ATP13A4: variants seen among roughly 807,000 people sequenced by gnomAD.
ATP13A4 encodes probable cation-transporting ATPase 13A4.
A neutral mutation model predicts 142.5 loss-of-function variants in ATP13A4; 114 were observed. The ratio of observed to expected loss-of-function variants is 0.80; its 90% confidence interval spans 0.69 to 0.93. The LOEUF (loss-of-function observed/expected upper bound fraction) is 0.93, where lower values mean the gene tolerates loss of function less well. Among genes scored for constraint, ATP13A4 ranks in the 40% least tolerant of loss-of-function variants. The pLI is 0.00. For missense variants in ATP13A4, 1,392 were observed against 1,454.0 expected, an observed-to-expected ratio of 0.96 and a Z score of 0.69; for synonymous variants, 488 against 514.8, an observed-to-expected ratio of 0.95 and a Z score of 0.70.
chr3:193,563,692 G>A (rs1215783829), intron 2 of ATP13A4, among the ~76,000 whole-genome samples: 3 of 152,300 alleles, frequency 2.0e-5, no homozygotes, highest in South Asian at 4.1e-4. Context: ...GTAAACCACC[G>A]AATATATACC....
rs1718187825 is a variant in ATP13A4, at chr3:193,465,079, GCAATTGTGATGACGT to G, written c.1307_1321del (p.Asp436_Ile440del). 1 of 1,613,960 alleles carries G rather than the reference GCAATTGTGATGACGT, an allele frequency of 6.2e-7. No individual in the cohort carries two copies. The highest frequency in any genetic ancestry group is 1.3e-5 in the African/African-American group (1 of 74,910). On this transcript the variant is annotated inframe_deletion, in exon 12 of 30. Coordinates refer to ENST00000342695, the MANE Select transcript of ATP13A4 (RefSeq NM_032279.4). ...AGCAGCAGGTAGAGCCGGAGGAACC[GCAATTGTGATGACGT>G]CAAGGGCTTTCCTCACCACCTCCTC...
chr3:193,504,123 A>G (rs1376662378), intron 2 of ATP13A4, among the ~76,000 whole-genome samples: 2 of 152,086 alleles, frequency 1.3e-5, no homozygotes, highest in Non-Finnish European at 2.9e-5. Flanking sequence ...TAATTAATCA[A>G]TTTTAAAAGC....
intron 1 of ATP13A4, 115 bp downstream of exon 1, chr3:193,554,625 A>C: frequency 7.3e-7 from 1 of 1,367,976 alleles, no homozygotes; most frequent in Non-Finnish European, 1.0e-6. Flanking sequence ...GTGAAATTTT[A>C]GAAAAGTCTG....
Position 193,470,882 on chromosome 3 carries a change from A to G in ATP13A4, c.920T>C (p.Val307Ala). ...ACCTGTCAGCATGCCTTCATCCACC[A>G]CACAGCTGCCTTCAATCAGAACGGC... ...CDAVLIEGSC[V>A]VDEGMLTGES... The change falls in exon 9 of 30, where the codon GTG becomes GCG. Residue 307 changes from valine to alanine, a missense_variant. Physicochemically the swap from Val to Ala is moderately conservative, Grantham distance 64. Transcript: ENST00000342695. 6.2e-7 allele frequency: 1 copy of G among 1,614,128 alleles called. No individual in the cohort carries two copies. The highest frequency in any genetic ancestry group is 8.5e-7 in the Non-Finnish European group (1 of 1,180,030).
intron 2 of ATP13A4, among the ~76,000 whole-genome samples, chr3:193,566,612 A>G (rs1038176495): frequency 6.6e-6 from 1 of 152,174 alleles, no homozygotes; most frequent in Non-Finnish European, 1.5e-5. Flanking sequence ...TTGGAGCATG[A>G]GCCCTGGTCA....
intron 2 of ATP13A4, among the ~76,000 whole-genome samples, chr3:193,575,744 A>C (rs7626230): frequency 0.52 from 79,581 of 152,010 alleles, 21,545 homozygotes; most frequent in African/African-American, 0.65. Flanking sequence ...ACCAGTATAG[A>C]TAACTTTTGT....
Position 193,573,292 on chromosome 3 carries a change from C to CGTATATATATATATATTCTT in ATP13A4, n.291+8414_291+8415insAAGAATATATATATATATAC, listed in dbSNP as rs1553862256. Among the ~76,000 whole-genome samples the CGTATATATATATATATTCTT allele has an allele frequency of 3.1e-4, 33 of 107,850 alleles. 2 individuals carry two copies. Among genetic ancestry groups the CGTATATATATATATATTCTT allele is most frequent in the African/African-American group, 1.4e-3 (31 of 21,740 alleles). The allele number at this position is 107,850 out of a possible 152,430, so 70.8% of individuals were successfully genotyped here. On this transcript the variant is annotated intron_variant and non_coding_transcript_variant, in intron 2 of 3. Coordinates refer to the ATP13A4 transcript ENST00000489140. The stretch of plus-strand genomic sequence containing the variant: ...ATATATATACATATATATATATACA[C>CGTATATATATATATATTCTT]ATATATATATATATACATATATATA...
intron 2 of ATP13A4, among the ~76,000 whole-genome samples, chr3:193,577,087 T>C (rs1042506445): frequency 2.0e-5 from 3 of 152,240 alleles, no homozygotes; most frequent in Admixed American, 1.3e-4. Flanking sequence ...GATAAATACA[T>C]TGCCCTCCTA....
chr3:193,408,773 A>T (rs963881255), intron 28 of ATP13A4, among the ~76,000 whole-genome samples: 10 of 152,122 alleles, frequency 6.6e-5, no homozygotes, highest in Non-Finnish European at 1.3e-4. Flanking sequence ...GATGCTACAC[A>T]TCTAGCCCTC....
chr3:193,591,067 TG>T (rs1425386023), intron 1 of ATP13A4, among the ~76,000 whole-genome samples: 1 of 152,268 alleles, frequency 6.6e-6, no homozygotes, highest in Non-Finnish European at 1.5e-5. Context: ...AGCATTTTTT[TG>T]CTTGTTTGTT....
In ATP13A4 at chr3:193,483,953, G is replaced by C. The variant is rs893024408; in HGVS notation, c.791C>G (p.Ser264Cys). 2.5e-6 allele frequency: 4 copies of C among 1,605,614 alleles called. No individual in the cohort carries two copies. Among genetic ancestry groups the C allele is most frequent in the South Asian group, 1.1e-5 (1 of 90,904 alleles). The part of the protein sequence containing the change: ...LVESHNSITV[S>C]VCGRKAGVQE... ...GAACTTACCTTTTCTCCCACATACA[G>C]AGACCGTAATGCTATTATGTGACTC... Residue 264 changes from serine to cysteine, a missense_variant, in exon 8 of 30, where the codon TCT becomes TGT. Coordinates refer to ENST00000342695, the MANE Select transcript of ATP13A4 (RefSeq NM_032279.4).
intron 25 of ATP13A4, among the ~76,000 whole-genome samples, chr3:193,433,318 T>TA (rs370421083): frequency 7.2e-4 from 109 of 152,124 alleles, no homozygotes; most frequent in African/African-American, 2.6e-3. Flanking sequence ...AAGACAGCCC[T>TA]AAAAAAGAAT....
intron 1 of ATP13A4, among the ~76,000 whole-genome samples, chr3:193,586,834 A>G (rs1391305245): frequency 6.6e-6 from 1 of 152,256 alleles, no homozygotes; most frequent in Non-Finnish European, 1.5e-5. Context: ...GCATTTCTAT[A>G]TAAATTTTAG....
At chr3:193,497,608 C>G (rs533844639) in intron 3 of ATP13A4, among the ~76,000 whole-genome samples, 1 of 152,162 alleles carries the variant, frequency 6.6e-6, no homozygotes, top group East Asian at 1.9e-4. Flanking sequence ...AAATAAATAT[C>G]TGCACTCTCG....
intron 1 of ATP13A4, among the ~76,000 whole-genome samples, chr3:193,534,775 AGGAGAGG>A (rs1036154216): frequency 2.6e-5 from 4 of 152,146 alleles, no homozygotes; most frequent in African/African-American, 9.6e-5. Context: ...GAATCCTAGA[AGGAGAGG>A]GGAGAGGGGA....
At chr3:193,517,367 T>C (rs1197644400) in intron 1 of ATP13A4, among the ~76,000 whole-genome samples, 4 of 152,210 alleles carry the variant, frequency 2.6e-5, no homozygotes, top group Non-Finnish European at 4.4e-5. Context: ...GATAACCATA[T>C]AAATTGTCAC....
chr3:193,446,371 T>C (rs979636875), intron 18 of ATP13A4, among the ~76,000 whole-genome samples: 23 of 152,090 alleles, frequency 1.5e-4, no homozygotes, highest in African/African-American at 5.3e-4. Flanking sequence ...CGATCTCTTC[T>C]TGATTCTGGG....
At chr3:193,500,440 T>C (rs1720478915) in intron 3 of ATP13A4, among the ~76,000 whole-genome samples, 1 of 152,146 alleles carries the variant, frequency 6.6e-6, no homozygotes, top group African/African-American at 2.4e-5. Context: ...CTCCAACCTT[T>C]TTTGGCACCA....
At chr3:193,523,095 G>A (rs1434719796) in intron 1 of ATP13A4, among the ~76,000 whole-genome samples, 3 of 152,034 alleles carry the variant, frequency 2.0e-5, no homozygotes, top group African/African-American at 7.2e-5. Flanking sequence ...CCGAGGTCAG[G>A]AGTTTGAGAT....
Sources: allele counts gnomAD v4.1 joint callset (sites outside exome capture counted in the v4.1 genomes callset), GRCh38; gene constraint gnomAD v4.1.1; transcripts MANE v1.5; gene names NCBI Gene and HGNC (gene_info 2026-07-23, HGNC 2026-07-21).